Variants in PRKAR1B observed in about 807,000 individuals in gnomAD.
PRKAR1B encodes the protein protein kinase cAMP-dependent type I regulatory subunit beta.
PRKAR1B carries 22 observed loss-of-function variants against 46.5 expected under a neutral mutation model. The observed-to-expected ratio is 0.47, with a 90% confidence interval of 0.34 to 0.68. PRKAR1B has a LOEUF of 0.68. PRKAR1B is among the 30% of genes least tolerant of loss of function. The pLI is 0.01. For missense variants in PRKAR1B, 445 were observed against 535.6 expected (o/e 0.83, Z 1.67); for synonymous variants, 259 against 217.7 (o/e 1.19, Z -1.67).
chr7:584,721 C>T (rs900308972), intron 7 of PRKAR1B, among the ~76,000 whole-genome samples, 153 bp from the exon 8 acceptor site: 5 of 152,176 alleles, frequency 3.3e-5, no homozygotes, highest in African/African-American at 9.7e-5. Flanking sequence ...TCGGAGTCTG[C>T]GTGAGCTGCC....
intron 9 of PRKAR1B, among the ~76,000 whole-genome samples, chr7:555,602 C>A (rs1164381990): frequency 1.3e-5 from 2 of 152,196 alleles, no homozygotes; most frequent in African/African-American, 4.8e-5. Context: ...CAGGGAGGGA[C>A]TGACCACTGT....
intron 2 of PRKAR1B, among the ~76,000 whole-genome samples, chr7:682,730 G>A (rs1461290464): frequency 6.6e-6 from 1 of 150,490 alleles, no homozygotes; most frequent in Non-Finnish European, 1.5e-5. Flanking sequence ...ATGACAGAGC[G>A]AGACTCTGTC....
At chr7:659,944 A>T (rs1325137356) in intron 4 of PRKAR1B, among the ~76,000 whole-genome samples, 1 of 152,088 alleles carries the variant, frequency 6.6e-6, no homozygotes. Flanking sequence ...AGCTGCCCCC[A>T]GTCCTGTAGA....
chr7:680,362 A>C (rs1409364097), intron 3 of PRKAR1B, among the ~76,000 whole-genome samples, 194 bp downstream of exon 3: 1 of 152,126 alleles, frequency 6.6e-6, no homozygotes, highest in Non-Finnish European at 1.5e-5. Context: ...AGCTCAGCTC[A>C]TCTGGCAAAG....
At chr7:726,678 C>A in intron 1 of PRKAR1B, 1 of 1,213,564 alleles carries the variant, frequency 8.2e-7, no homozygotes, top group South Asian at 4.1e-5. Flanking sequence ...CGCTGAGAGT[C>A]GCGAAAGCGC....
Position 727,012 on chromosome 7 carries a change from C to T in PRKAR1B, c.-23+198G>A, listed in dbSNP as rs1781333437. On this transcript the variant is annotated intron_variant, in intron 1 of 10. Coordinates refer to ENST00000537384, the MANE Select transcript of PRKAR1B (RefSeq NM_001164760.2). ...CGAGGGCTGCCGCGCGCTGGCAGTG[C>T]ACCTGCTGGATCTGGGCCTGCGCCG... 1.6e-6 allele frequency: 2 copies of T among 1,228,066 alleles called. No individual in the cohort carries two copies. Among genetic ancestry groups the T allele is most frequent in the Non-Finnish European group, 1.0e-6 (1 of 981,012 alleles). The allele number at this position is 1,228,066 out of a possible 1,614,324, so 76.1% of individuals were successfully genotyped here.
chr7:589,893 C>T (rs1353498009), intron 7 of PRKAR1B, among the ~76,000 whole-genome samples: 6 of 152,350 alleles, frequency 3.9e-5, no homozygotes, highest in South Asian at 2.1e-4. Context: ...GGAGCCGGGA[C>T]GATCCAGCCC....
intron 9 of PRKAR1B, among the ~76,000 whole-genome samples, chr7:573,504 C>G (rs999275804): frequency 1.3e-5 from 2 of 152,094 alleles, no homozygotes; most frequent in African/African-American, 4.8e-5. Flanking sequence ...AGCATCTGAC[C>G]CCAGCACCCC....
At chr7:642,803 A>G (rs1784458822) in intron 4 of PRKAR1B, among the ~76,000 whole-genome samples, 1 of 151,282 alleles carries the variant, frequency 6.6e-6, no homozygotes, top group Non-Finnish European at 1.5e-5. Flanking sequence ...CCCATTTCCT[A>G]AAAACTAGCT....
At chr7:606,330 G>C in intron 5 of PRKAR1B, 91 bp from the exon 6 acceptor site, 1 of 1,185,258 alleles carries the variant, frequency 8.4e-7, no homozygotes, top group Non-Finnish European at 1.2e-6. Context: ...CAACACTGTT[G>C]CAGAGACCCT....
chr7:660,774 C>T lies in PRKAR1B; in HGVS notation c.440+16455G>A, dbSNP rs542184499. 6.2e-4 allele frequency among the ~76,000 whole-genome samples: 65 copies of T among 105,176 alleles called. 1 individual carries two copies. Among genetic ancestry groups the T allele is most frequent in the African/African-American group, 2.5e-3 (62 of 25,172 alleles). The allele number at this position is 105,176 out of a possible 152,430, so 69.0% of individuals were successfully genotyped here. A position where few individuals can be genotyped will look rare whatever the true frequency, so the allele number is the denominator to read the frequency against. ...CAAATACCTACTCTCCCCTCCATAG[C>T]ACAGGTCCCCACCCCAACAGATGCA... On this transcript the variant is annotated intron_variant, in intron 4 of 10. Transcript: ENST00000537384.
At chr7:682,729 C>G (rs180820497) in intron 2 of PRKAR1B, among the ~76,000 whole-genome samples, 1 of 149,480 alleles carries the variant, frequency 6.7e-6, no homozygotes, top group Non-Finnish European at 1.5e-5. Flanking sequence ...GATGACAGAG[C>G]GAGACTCTGT....
intron 2 of PRKAR1B, among the ~76,000 whole-genome samples, chr7:708,090 C>G (rs990640221): frequency 2.0e-5 from 3 of 149,292 alleles, no homozygotes; most frequent in African/African-American, 7.5e-5. Flanking sequence ...CAATACACCT[C>G]AATCTCGGAC....
chr7:583,388 C>G lies in PRKAR1B; in HGVS notation c.769+1120G>C. Among the ~76,000 whole-genome samples, 2 of 108,824 alleles carry G rather than the reference C, an allele frequency of 1.8e-5. 1 individual carries two copies. The highest frequency in any genetic ancestry group is 4.9e-4 in the South Asian group (2 of 4,120). 71.4% of individuals were successfully genotyped at this position (108,824 alleles called of 152,430 possible). On this transcript the variant is annotated intron_variant, in intron 8 of 10. Transcript: ENST00000537384. ...ACACACCCACTCACACATGTGCACA[C>G]TCACACCCCCCACACGTGTGCACAC... is the stretch of plus-strand genomic sequence containing the variant.
At position 550,255 on chromosome 7, in the gene PRKAR1B, C is replaced by T. The variant is rs548470108; in HGVS notation, c.*175G>A. 1.1e-4 allele frequency: 68 copies of T among 609,274 alleles called. No homozygotes were observed. The East Asian group carries it at 1.7e-3, about 15-fold the overall frequency. 37.7% of individuals were successfully genotyped at this position (609,274 alleles called of 1,614,324 possible). A position where few individuals can be genotyped will look rare whatever the true frequency, so the allele number is the denominator to read the frequency against. ...CCGCTTGTCCTTTGATTTGGAAATG[C>T]ACAAGGTGATCATTTATTCCAAAAA... is the stretch of plus-strand genomic sequence containing the variant. On this transcript the variant is annotated 3_prime_UTR_variant, in exon 11 of 11. Transcript: ENST00000537384.
intron 1 of PRKAR1B, among the ~76,000 whole-genome samples, chr7:712,051 C>T (rs1313729371): frequency 1.5e-5 from 2 of 132,486 alleles, no homozygotes; most frequent in Admixed American, 1.6e-4. Flanking sequence ...ACAAGGGAAG[C>T]TGGCGGTGGT....
Position 666,866 on chromosome 7 carries a change from CAGA to C in PRKAR1B, c.440+10360_440+10362del, listed in dbSNP as rs1460738625. ...AGCCTCCAAGGGGCAAGGCACCATCCAGAAGAAGTACCTTCATGGACTCCACTG... is the reference window on the plus strand; with the variant it reads ...AGCCTCCAAGGGGCAAGGCACCATCCAGAAGTACCTTCATGGACTCCACTG... On this transcript the variant is annotated intron_variant, in intron 4 of 10. Coordinates refer to ENST00000537384, the MANE Select transcript of PRKAR1B (RefSeq NM_001164760.2). The surrounding 1 kb of genome is among the most constrained non-coding windows in gnomAD (Gnocchi z 4.9). Among the ~76,000 whole-genome samples the C allele has an allele frequency of 7.9e-5, 12 of 152,326 alleles. No homozygotes were observed. Among genetic ancestry groups the C allele is most frequent in the African/African-American group, 2.9e-4 (12 of 41,550 alleles).
At chr7:642,052 G>A (rs1241170169) in intron 4 of PRKAR1B, among the ~76,000 whole-genome samples, 1 of 151,930 alleles carries the variant, frequency 6.6e-6, no homozygotes, top group Non-Finnish European at 1.5e-5. Context: ...CTCCAGGCAC[G>A]CACCACCACA....
At chr7:640,270 T>C (rs1199755014) in intron 4 of PRKAR1B, among the ~76,000 whole-genome samples, 1 of 151,784 alleles carries the variant, frequency 6.6e-6, no homozygotes, top group Non-Finnish European at 1.5e-5. Context: ...GGGGAAAATA[T>C]CTGTAAACCC....
Sources: gnomAD v4.1 joint callset for allele counts (sites outside exome capture counted in the v4.1 genomes callset) on GRCh38, gnomAD v4.1.1 for gene constraint, Gnocchi (gnomAD v3.1) non-coding constraint, MANE v1.5 for transcripts, NCBI Gene and HGNC (gene_info 2026-07-23, HGNC 2026-07-21) for gene names.